The following RBFOX2 variants were observed in gnomAD, a reference collection of about 807,000 sequenced individuals.
RBFOX2 encodes RNA binding fox-1 homolog 2.
In RBFOX2, 10 loss-of-function variants were observed where a neutral mutation model predicts 49.1. That is an observed-to-expected ratio of 0.20 (90% CI 0.13 to 0.35). RBFOX2 has a LOEUF of 0.35. Ranked by LOEUF, RBFOX2 falls within the 10% of genes least tolerant of loss-of-function variation. RBFOX2 has a pLI of 1.00. For synonymous variants in RBFOX2, 183 were observed against 187.4 expected, an observed-to-expected ratio of 0.98 and a Z score of 0.19; for missense variants, 323 against 486.9, an observed-to-expected ratio of 0.66 and a Z score of 3.17.
chr22:35,965,014 T>C (rs531866766), upstream of RBFOX2, among the ~76,000 whole-genome samples: 3 of 152,312 alleles, frequency 2.0e-5, no homozygotes, highest in South Asian at 6.2e-4. Context: ...CACACACCAG[T>C]CGATAATCTC....
chr22:35,821,978 C>T (rs779868178), intron 1 of RBFOX2: 5 of 518,752 alleles, frequency 9.6e-6, no homozygotes, highest in South Asian at 7.0e-5. Context: ...AATAGCTCTA[C>T]ACAACCTTCC....
Position 35,759,821 on chromosome 22 carries a change from C to T in RBFOX2, c.887+67G>A, listed in dbSNP as rs376114415. On this transcript the variant is annotated intron_variant, in intron 9 of 11. Transcript: ENST00000405409. The surrounding 1 kb of genome is among the most constrained non-coding windows in gnomAD (Gnocchi z 4.6). ...AACATCCCAGAAGTTATGAAAGGGC[C>T]ATGGTATTCTTTTTTGGTCCAACTG... is the stretch of plus-strand genomic sequence containing the variant. 6.3e-7 allele frequency: 1 copy of T among 1,588,550 alleles called. No homozygotes were observed. Among genetic ancestry groups the T allele is most frequent in the East Asian group, 2.2e-5 (1 of 44,470 alleles).
chr22:35,755,000 T>G (rs1209834068), intron 9 of RBFOX2, among the ~76,000 whole-genome samples: 1 of 152,210 alleles, frequency 6.6e-6, no homozygotes, highest in Non-Finnish European at 1.5e-5. Flanking sequence ...CTCTACTTCC[T>G]GCAAAACGCA....
At chr22:35,743,930 ATT>A (rs71658610) in exon 12 of RBFOX2, 6,159 of 306,230 alleles carry the variant, frequency 0.02, no homozygotes, top group Non-Finnish European at 0.024. Flanking sequence ...GAAATGCATT[ATT>A]TTTTTTTTTT....
Position 35,771,800 on chromosome 22 carries a change from T to G in RBFOX2, c.454-3451A>C, listed in dbSNP as rs891729493. On this transcript the variant is annotated intron_variant, in intron 4 of 11. Coordinates refer to ENST00000405409, the Ensembl canonical transcript of RBFOX2. ...AATATACTATTTCTTCAATAAAATT[T>G]AGCATTTTAGAAAAGGTGCCAGAAA... 3.9e-5 allele frequency among the ~76,000 whole-genome samples: 6 copies of G among 152,316 alleles called. No homozygotes were observed. The East Asian group carries it at 9.6e-4, about 24-fold the overall frequency.
At chr22:35,823,759 T>A (rs1252076776) in intron 1 of RBFOX2, among the ~76,000 whole-genome samples, 1 of 152,222 alleles carries the variant, frequency 6.6e-6, no homozygotes, top group Non-Finnish European at 1.5e-5. Context: ...AAATAAGAAG[T>A]GTTTACTACA....
Position 35,759,480 on chromosome 22 carries a change from C to T in RBFOX2, c.887+408G>A, listed in dbSNP as rs754840300. Among the ~76,000 whole-genome samples the T allele has an allele frequency of 2.6e-5, 4 of 152,148 alleles. No individual in the cohort carries two copies. Among genetic ancestry groups the T allele is most frequent in the African/African-American group, 4.8e-5 (2 of 41,430 alleles). Reference sequence around the variant, plus strand: ...ACATGTGACAGCCTCTGCCCCAACACGGGGTGGTGATAAGGAGGTGAACAC... The same window carrying T: ...ACATGTGACAGCCTCTGCCCCAACATGGGGTGGTGATAAGGAGGTGAACAC... On this transcript the variant is annotated intron_variant, in intron 9 of 11. Coordinates refer to ENST00000405409, the Ensembl canonical transcript of RBFOX2. This position sits in a 1 kb window ranked among gnomAD's most constrained non-coding sequence, Gnocchi z 4.6.
At chr22:35,872,931 T>C (rs141003135) in intron 1 of RBFOX2, among the ~76,000 whole-genome samples, 1 of 152,148 alleles carries the variant, frequency 6.6e-6, no homozygotes, top group Non-Finnish European at 1.5e-5. Context: ...AGGGGTCACC[T>C]TTCTCTATCC....
At chr22:35,746,626 A>G in intron 9 of RBFOX2, 65 bp from the exon 12 acceptor site, 2 of 975,932 alleles carry the variant, frequency 2.0e-6, no homozygotes, top group Non-Finnish European at 2.9e-6. Context: ...AAAAACACAC[A>G]CCCGCCCACA....
chr22:35,994,616 A>G (rs986810606), intron 1 of RBFOX2: 63 of 151,952 alleles, frequency 4.1e-4, no homozygotes, highest in African/African-American at 1.5e-3. Flanking sequence ...ATGTTGCCCA[A>G]GCTGGTCTCA....
At chr22:35,784,210 A>C (rs1945860181) in intron 2 of RBFOX2, among the ~76,000 whole-genome samples, 1 of 152,232 alleles carries the variant, frequency 6.6e-6, no homozygotes, top group African/African-American at 2.4e-5. Flanking sequence ...AGTTAGTTAC[A>C]CATTGTCACC....
chr22:35,950,109 ATTT>A (rs146393323), intron 1 of RBFOX2, among the ~76,000 whole-genome samples: 6 of 107,984 alleles, frequency 5.6e-5, no homozygotes, highest in African/African-American at 1.0e-4. Context: ...GTCCAACTTC[ATTT>A]TTTTTTTTTT....
chr22:35,937,709 G>A (rs994717008), intron 1 of RBFOX2, among the ~76,000 whole-genome samples: 2 of 152,122 alleles, frequency 1.3e-5, no homozygotes, highest in South Asian at 4.1e-4. Flanking sequence ...TCCTGCCTCA[G>A]CCTCCCGAGT....
At chr22:36,028,176 G>C (rs900798765) in intron 1 of RBFOX2, 64 bp downstream of exon 1, 553 of 1,386,642 alleles carry the variant, frequency 4.0e-4, no homozygotes, top group Middle Eastern at 2.7e-3. Flanking sequence ...CCAAGCCGGG[G>C]AGCCCGGTGT....
In RBFOX2 at chr22:35,756,156, C is replaced by A. The variant is rs1293886233; in HGVS notation, c.887+3732G>T. On this transcript the variant is annotated intron_variant, in intron 9 of 11. Coordinates refer to ENST00000405409, the Ensembl canonical transcript of RBFOX2. The stretch of plus-strand genomic sequence containing the variant: ...CCTGGTAAACCACACTGCAGAAAAT[C>A]CACACAAAAACAAAAACAAAAAAAA... 6.7e-7 allele frequency: 1 copy of A among 1,493,068 alleles called. No individual in the cohort carries two copies. Among genetic ancestry groups the A allele is most frequent in the East Asian group, 2.6e-5 (1 of 37,830 alleles). The allele number at this position is 1,493,068 out of a possible 1,614,324, so 92.5% of individuals were successfully genotyped here. A position where few individuals can be genotyped will look rare whatever the true frequency, so the allele number is the denominator to read the frequency against.
At chr22:35,911,237 G>A (rs1310708448) in intron 1 of RBFOX2, among the ~76,000 whole-genome samples, 6 of 152,168 alleles carry the variant, frequency 3.9e-5, no homozygotes, top group Non-Finnish European at 7.4e-5. Flanking sequence ...GGGGAAGGGA[G>A]AAGGAAAGAA....
intron 1 of RBFOX2, among the ~76,000 whole-genome samples, chr22:35,960,571 A>G (rs1423376989): frequency 6.6e-6 from 1 of 152,184 alleles, no homozygotes; most frequent in Non-Finnish European, 1.5e-5. Context: ...TGCTACCATC[A>G]TTCAAAACAC....
At chr22:35,761,900 T>C (rs919593290) in intron 6 of RBFOX2, among the ~76,000 whole-genome samples, 1 of 152,190 alleles carries the variant, frequency 6.6e-6, no homozygotes, top group Admixed American at 6.5e-5. Context: ...TTAATAAAGG[T>C]ATCCATGGGC....
chr22:35,875,511 C>T (rs1046374188), intron 1 of RBFOX2, among the ~76,000 whole-genome samples: 1 of 151,892 alleles, frequency 6.6e-6, no homozygotes, highest in South Asian at 2.1e-4. Context: ...AATGAATGAG[C>T]GGTCAGAATC....
Sources: allele counts gnomAD v4.1 joint callset (sites outside exome capture counted in the v4.1 genomes callset), GRCh38; gene constraint gnomAD v4.1.1; non-coding constraint Gnocchi (gnomAD v3.1); transcripts MANE v1.5; gene names NCBI Gene and HGNC (gene_info 2026-07-23, HGNC 2026-07-21).